The following SDK2 variants were observed in gnomAD, a reference collection of about 807,000 sequenced individuals.
SDK2 encodes the protein sidekick cell adhesion molecule 2.
In SDK2, 105 loss-of-function variants were observed where a neutral mutation model predicts 253.9. That is an observed-to-expected ratio of 0.41 (90% confidence interval 0.35 to 0.49). The LOEUF is 0.49. SDK2 is among the 20% of genes least tolerant of loss of function. The pLI, the probability that SDK2 is intolerant of heterozygous loss-of-function variation, is 0.06. For missense variants in SDK2, 2,608 were observed against 3,003.0 expected (o/e 0.87, Z 3.07); for synonymous variants, 1,249 against 1,234.9 (o/e 1.01, Z -0.24).
In SDK2 at chr17:73,379,651, C is replaced by A; in HGVS notation, c.4763-102G>T. 3 of 707,824 alleles carry A rather than the reference C, an allele frequency of 4.2e-6. No homozygotes were observed. The highest frequency in any genetic ancestry group is 7.2e-6 in the Non-Finnish European group (3 of 415,624). 43.8% of individuals were successfully genotyped at this position (707,824 alleles called of 1,614,324 possible). On this transcript the variant is annotated intron_variant, in intron 34 of 44. Transcript: ENST00000392650. This position sits in a 1 kb window ranked among gnomAD's most constrained non-coding sequence, Gnocchi z 4.5. The stretch of plus-strand genomic sequence containing the variant: ...AGGCTGCAGGGGGAGGAATGAGGCA[C>A]CCCCGCCATTCTAGCCCCCTCTGTG...
Position 73,401,028 on chromosome 17 carries a change from AC to A in SDK2, c.2962del (p.Val988CysfsTer22), listed in dbSNP as rs1483648756. 6.4e-7 allele frequency: 1 copy of A among 1,571,978 alleles called. No individual in the cohort carries two copies. Among genetic ancestry groups the A allele is most frequent in the Non-Finnish European group, 8.6e-7 (1 of 1,158,370 alleles). On this transcript the variant is annotated frameshift_variant, in exon 21 of 45. Coordinates refer to ENST00000392650, the MANE Select transcript of SDK2 (RefSeq NM_001144952.2). LOFTEE classifies it high-confidence loss of function. ...QVSASTISSG[V>X]PPELPGPPTN... ...TGAGAGTGGGCACTTACCTGGGGGC[AC>A]CCCAGAGGAGATGGTGGAGGCGGAC...
intron 44 of SDK2, among the ~76,000 whole-genome samples, chr17:73,344,937 GCC>G (rs2062469977): frequency 6.6e-6 from 1 of 152,224 alleles, no homozygotes; most frequent in African/African-American, 2.4e-5. Context: ...TCAAATAAAT[GCC>G]ACCTCCTTCA....
At chr17:73,519,361 A>T (rs1324483633) in intron 1 of SDK2, 1 of 152,306 alleles carries the variant, frequency 6.6e-6, no homozygotes, top group Admixed American at 6.5e-5. Context: ...TAACACCAGC[A>T]TTGGTTTCCC....
At chr17:73,482,252 G>A (rs925058113) in intron 2 of SDK2, among the ~76,000 whole-genome samples, 107 of 150,154 alleles carry the variant, frequency 7.1e-4, no homozygotes, top group Non-Finnish European at 1.2e-3. Flanking sequence ...TCTGGCCTGC[G>A]TGACAAGACT....
intron 15 of SDK2, 75 bp from the exon 16 acceptor site, chr17:73,419,381 C>T (rs2063209492): frequency 1.3e-6 from 2 of 1,503,780 alleles, no homozygotes; most frequent in Non-Finnish European, 1.8e-6. Context: ...GAAGGCTGAA[C>T]CCTGGCCTGC....
chr17:73,469,988 G>A (rs1003107613), intron 3 of SDK2, among the ~76,000 whole-genome samples: 22 of 112,364 alleles, frequency 2.0e-4, no homozygotes, highest in East Asian at 1.1e-3. Context: ...GACTGCGCGC[G>A]CGCGCACACA....
chr17:73,553,120 G>C (rs1216389512), intron 1 of SDK2, among the ~76,000 whole-genome samples: 1 of 152,202 alleles, frequency 6.6e-6, no homozygotes, highest in East Asian at 1.9e-4. Flanking sequence ...GGGCCAGAGG[G>C]AGCTCTTGGC....
intron 1 of SDK2, among the ~76,000 whole-genome samples, chr17:73,623,168 A>G (rs1242532947): frequency 6.6e-6 from 1 of 152,182 alleles, no homozygotes; most frequent in African/African-American, 2.4e-5. Flanking sequence ...TGATTTATTC[A>G]ATATTTTTGT....
intron 1 of SDK2, among the ~76,000 whole-genome samples, chr17:73,515,835 G>C (rs1292789913): frequency 1.3e-5 from 2 of 152,132 alleles, no homozygotes; most frequent in Non-Finnish European, 2.9e-5. Context: ...TTCACCTCCT[G>C]GGCCTTACCT....
At position 73,588,205 on chromosome 17, in the gene SDK2, CCCT is replaced by C. The variant is rs377662269; in HGVS notation, c.64+55817_64+55819del. On this transcript the variant is annotated intron_variant, in intron 1 of 44. Transcript: ENST00000392650. ...CTGACCAACATGGAGAGACCCCCCCCCCTCCCCCGCCATCTCTACTAAAAATAC... is the reference window on the plus strand; with the variant it reads ...CTGACCAACATGGAGAGACCCCCCCCCCCCCGCCATCTCTACTAAAAATAC... Among the ~76,000 whole-genome samples, 1,390 of 147,758 alleles carry C rather than the reference CCCT, an allele frequency of 9.4e-3. 8 individuals are homozygous for C. The highest frequency in any genetic ancestry group is 0.018 in the Middle Eastern group (5 of 282).
chr17:73,538,285 C>G (rs1324426350), intron 1 of SDK2, among the ~76,000 whole-genome samples: 2 of 152,192 alleles, frequency 1.3e-5, no homozygotes, highest in African/African-American at 4.8e-5. Flanking sequence ...AATCAGCTGA[C>G]CAGTCTCCTG....
chr17:73,346,196 G>A (rs1599468481), intron 44 of SDK2, among the ~76,000 whole-genome samples: 1 of 148,746 alleles, frequency 6.7e-6, no homozygotes, highest in Non-Finnish European at 1.5e-5. Flanking sequence ...CAACGAGGGC[G>A]AAACTCCGTC....
At chr17:73,504,549 G>A (rs6501646) in intron 2 of SDK2, 89,568 of 148,100 alleles carry the variant, frequency 0.6, 27,513 homozygotes, top group Non-Finnish European at 0.66. Context: ...GGAGAATGGC[G>A]TGAACCGGGG....
chr17:73,430,618 AAGATACAGCGGAGAC>A lies in SDK2; in HGVS notation c.1481-20_1481-6del, dbSNP rs2145607062. 1.3e-6 allele frequency: 2 copies of A among 1,550,354 alleles called. No homozygotes were observed. The highest frequency in any genetic ancestry group is 1.7e-6 in the Non-Finnish European group (2 of 1,146,246). Reference sequence around the variant, plus strand: ...GCTTGGTGATGCGGGTCCGAGCTGAAAGATACAGCGGAGACAGCATGGTGAGAAGAGGTGTGGGGG... The same window carrying A: ...GCTTGGTGATGCGGGTCCGAGCTGAAAGCATGGTGAGAAGAGGTGTGGGGG... On this transcript the variant is annotated splice_region_variant and splice_polypyrimidine_tract_variant and intron_variant, in intron 11 of 44. Transcript: ENST00000392650.
At chr17:73,620,273 T>A (rs1056012063) in intron 1 of SDK2, among the ~76,000 whole-genome samples, 1 of 150,124 alleles carries the variant, frequency 6.7e-6, no homozygotes, top group Non-Finnish European at 1.5e-5. Flanking sequence ...AACAAGCACA[T>A]GAAAAGATGG....
At chr17:73,521,637 C>T (rs961199547) in intron 1 of SDK2, among the ~76,000 whole-genome samples, 3 of 152,160 alleles carry the variant, frequency 2.0e-5, no homozygotes, top group African/African-American at 7.2e-5. Flanking sequence ...GGTGGGGATG[C>T]ATTTCCAATC....
chr17:73,482,240 G>A (rs1464416796), intron 2 of SDK2, among the ~76,000 whole-genome samples: 1 of 151,506 alleles, frequency 6.6e-6, no homozygotes, highest in Non-Finnish European at 1.5e-5. Flanking sequence ...ACATCACTGT[G>A]CTCTGGCCTG....
intron 1 of SDK2, among the ~76,000 whole-genome samples, chr17:73,600,622 G>C (rs1237787701): frequency 6.6e-6 from 1 of 152,166 alleles, no homozygotes; most frequent in Non-Finnish European, 1.5e-5. Context: ...AAGAGCCCCT[G>C]CCAGCTCCTC....
At position 73,507,497 on chromosome 17, in the gene SDK2, T is replaced by C. The variant is rs9895895; in HGVS notation, c.165A>G (p.Pro55=). ...TGTTGTGGAGCCACTTGAACTCCAG[T>C]GGCCAGCTGCCCTCGGCCATGCATG... The part of the protein sequence containing the change: ...VLTCMAEGSW[P]LEFKWLHNNR... The change falls in exon 2 of 45, where the codon CCA becomes CCG. Residue 55 remains proline (P), a synonymous_variant. Transcript: ENST00000392650. 989,913 of 1,551,236 alleles carry C rather than the reference T, an allele frequency of 0.64. 317,768 individuals are homozygous for C. The highest frequency in any genetic ancestry group is 0.66 in the Non-Finnish European group (752,106 of 1,146,828).
Sources: gnomAD v4.1 joint callset for allele counts (sites outside exome capture counted in the v4.1 genomes callset) on GRCh38, gnomAD v4.1.1 for gene constraint, Gnocchi (gnomAD v3.1) non-coding constraint, MANE v1.5 for transcripts, NCBI Gene and HGNC (gene_info 2026-07-23, HGNC 2026-07-21) for gene names.